GK5: variants seen among roughly 807,000 people sequenced by gnomAD.
GK5 encodes the protein glycerol kinase 5.
Under a neutral mutation model 77.3 loss-of-function variants are expected in GK5, and 39 were observed. That is an observed-to-expected ratio of 0.50 (90% CI 0.39 to 0.66). The LOEUF is 0.66. GK5 is among the 30% of genes least tolerant of loss of function. The probability of loss-of-function intolerance (pLI) is 0.00; values close to 1 mark genes in which losing one functional copy is unlikely to be tolerated. For synonymous variants in GK5, 211 were observed against 208.0 expected (o/e 1.01, Z -0.13); for missense variants, 487 against 633.8 (o/e 0.77, Z 2.49).
At chr3:142,188,808 C>G (rs2063809940) in intron 5 of GK5, among the ~76,000 whole-genome samples, 3 of 152,128 alleles carry the variant, frequency 2.0e-5, no homozygotes, top group South Asian at 2.1e-4. Flanking sequence ...GCTTATACCC[C>G]CAAAGCCTAA....
chr3:142,178,824 A>G (rs1560213794), intron 11 of GK5, among the ~76,000 whole-genome samples: 1 of 152,242 alleles, frequency 6.6e-6, no homozygotes. Context: ...ATTTAGAACC[A>G]GCTTTAACAG....
chr3:142,188,526 A>T (rs750683283), intron 5 of GK5, among the ~76,000 whole-genome samples: 7 of 152,254 alleles, frequency 4.6e-5, no homozygotes, highest in Non-Finnish European at 8.8e-5. Flanking sequence ...ACTCCGTCTC[A>T]AAAACAAAAC....
At chr3:142,180,729 T>C (rs1560214917) in intron 11 of GK5, among the ~76,000 whole-genome samples, 1 of 152,092 alleles carries the variant, frequency 6.6e-6, no homozygotes, top group Non-Finnish European at 1.5e-5. Context: ...AGCTGTTCAG[T>C]AGAGAAACTA....
intron 3 of GK5, among the ~76,000 whole-genome samples, chr3:142,209,005 C>T (rs569306631): frequency 5.3e-5 from 8 of 152,124 alleles, no homozygotes; most frequent in East Asian, 1.9e-4. Flanking sequence ...AAAAATTAGC[C>T]GAGCGCGGTG....
Position 142,223,406 on chromosome 3 carries a change from G to A in GK5, c.147+1903C>T, listed in dbSNP as rs6791902. On this transcript the variant is annotated intron_variant, in intron 1 of 15. Transcript: ENST00000392993. The stretch of plus-strand genomic sequence containing the variant: ...AGGTAATGAGTACCCAGTCACTGAA[G>A]GGTGGTGTCTGCCTTTCATTTTTCT... 2.3e-3 allele frequency among the ~76,000 whole-genome samples: 355 copies of A among 152,370 alleles called. 1 individual carries two copies. The highest frequency in any genetic ancestry group is 8.2e-3 in the African/African-American group (342 of 41,590).
intron 11 of GK5, among the ~76,000 whole-genome samples, chr3:142,180,344 C>A (rs2063677921): frequency 6.6e-6 from 1 of 151,650 alleles, no homozygotes; most frequent in Non-Finnish European, 1.5e-5. Context: ...CTCTTGTTGC[C>A]CAGGCTGGAG....
chr3:142,192,345 A>G (rs1290680543), intron 5 of GK5, among the ~76,000 whole-genome samples: 2 of 152,218 alleles, frequency 1.3e-5, no homozygotes, highest in Admixed American at 6.5e-5. Context: ...TGATCCAACA[A>G]TCATACACCT....
intron 1 of GK5, among the ~76,000 whole-genome samples, chr3:142,217,341 A>T (rs2064287505): frequency 6.6e-6 from 1 of 152,226 alleles, no homozygotes; most frequent in East Asian, 1.9e-4. Flanking sequence ...CATAAAAGAC[A>T]TAAAAAAGAA....
intron 12 of GK5, among the ~76,000 whole-genome samples, chr3:142,176,782 C>T (rs934100478): frequency 6.7e-6 from 1 of 149,662 alleles, no homozygotes; most frequent in African/African-American, 2.5e-5. Flanking sequence ...CTGCTTCAGC[C>T]TCCTGAGTAG....
chr3:142,171,597 C>G, intron 13 of GK5, 119 bp from the exon 14 acceptor site: 1 of 737,572 alleles, frequency 1.4e-6, no homozygotes, highest in Non-Finnish European at 1.9e-6. Context: ...ATAAAATGTA[C>G]AAAACAAAAT....
chr3:142,165,380 G>A lies in GK5; in HGVS notation c.*242C>T, dbSNP rs2063462151. On this transcript the variant is annotated 3_prime_UTR_variant, in exon 16 of 16. Transcript: ENST00000392993. ...TGGTTGGAAATGACTAATGTCCTTT[G>A]GAATTTGCTACAAAATAGAAGATAT... 1 of 353,874 alleles carries A rather than the reference G, an allele frequency of 2.8e-6. No homozygotes were observed. The highest frequency in any genetic ancestry group is 5.0e-6 in the Non-Finnish European group (1 of 200,068). 21.9% of individuals were successfully genotyped at this position (353,874 alleles called of 1,614,324 possible). A position where few individuals can be genotyped will look rare whatever the true frequency, so the allele number is the denominator to read the frequency against.
intron 3 of GK5, among the ~76,000 whole-genome samples, chr3:142,211,070 C>G (rs2064182851): frequency 6.6e-6 from 1 of 152,258 alleles, no homozygotes; most frequent in South Asian, 2.1e-4. Flanking sequence ...TCCACATAAT[C>G]TCTACCAGAG....
rs912807175 is a variant in GK5 at position 142,158,383 on chromosome 3, G to A, written c.*7239C>T. ...GCATGCCACTGTGTCTGGCTTCTCT[G>A]TGACTTTCTTAATGTGCAGAAACCA... On this transcript the variant is annotated 3_prime_UTR_variant, in exon 16 of 16. Coordinates refer to ENST00000392993, the MANE Select transcript of GK5 (RefSeq NM_001039547.3). The A allele has an allele frequency of 2.6e-5, 4 of 152,186 alleles. No homozygotes were observed. Among genetic ancestry groups the A allele is most frequent in the African/African-American group, 9.7e-5 (4 of 41,426 alleles). The allele number at this position is 152,186 out of a possible 1,614,324, so 9.4% of individuals were successfully genotyped here.
At chr3:142,170,507 T>C (rs1560209396) in intron 14 of GK5, 49 bp from the exon 15 acceptor site, 2 of 1,501,416 alleles carry the variant, frequency 1.3e-6, no homozygotes, top group Non-Finnish European at 1.8e-6. Flanking sequence ...AAAAGTATCA[T>C]TCTTTTTCAG....
At chr3:142,174,181 A>G (rs143789593) in intron 12 of GK5, among the ~76,000 whole-genome samples, 249 of 152,318 alleles carry the variant, frequency 1.6e-3, no homozygotes, top group African/African-American at 5.8e-3. Context: ...GCCTAGCACT[A>G]TATCTGGCTC....
intron 13 of GK5, among the ~76,000 whole-genome samples, chr3:142,171,698 T>A (rs2063542341): frequency 6.6e-6 from 1 of 152,160 alleles, no homozygotes; most frequent in African/African-American, 2.4e-5. Flanking sequence ...TTTGCCTTCA[T>A]GTAAGAAGGC....
chr3:142,190,566 A>AC (rs1299308046), intron 5 of GK5, among the ~76,000 whole-genome samples: 1 of 152,162 alleles, frequency 6.6e-6, no homozygotes, highest in Non-Finnish European at 1.5e-5. Context: ...AGCCCTACAA[A>AC]CCCCAAGTAG....
chr3:142,181,142 G>T lies in GK5; in HGVS notation c.1048+319C>A, dbSNP rs567176430. On this transcript the variant is annotated intron_variant, in intron 11 of 15. Coordinates refer to ENST00000392993, the MANE Select transcript of GK5 (RefSeq NM_001039547.3). ...TCGGTCCTTTGCCCATTTTTGTCAT[G>T]TTATTAATTTTTCTGACATATGCTA... Among the ~76,000 whole-genome samples, 17 of 152,148 alleles carry T rather than the reference G, an allele frequency of 1.1e-4. No individual in the cohort carries two copies. In the South Asian group the frequency reaches 3.5e-3, roughly 32 times the overall value.
intron 12 of GK5, among the ~76,000 whole-genome samples, chr3:142,176,525 A>G (rs1234022726): frequency 1.3e-5 from 2 of 152,120 alleles, no homozygotes; most frequent in African/African-American, 2.4e-5. Context: ...TTCTAAAATT[A>G]AAGGTAGTAT....
Sources: gnomAD v4.1 joint callset for allele counts (sites outside exome capture counted in the v4.1 genomes callset) on GRCh38, gnomAD v4.1.1 for gene constraint, MANE v1.5 for transcripts, NCBI Gene and HGNC (gene_info 2026-07-23, HGNC 2026-07-21) for gene names.